Variants in ZNF614 observed in about 807,000 individuals in gnomAD.
ZNF614 encodes the protein zinc finger protein 614.
A neutral mutation model predicts 12.8 loss-of-function variants in ZNF614; 11 were observed. That is an observed-to-expected ratio of 0.86 (90% CI 0.54 to 1.43). The LOEUF (loss-of-function observed/expected upper bound fraction) is 1.43. Ranked by LOEUF, ZNF614 falls within the 40% of genes most tolerant of loss-of-function variation. The probability of loss-of-function intolerance (pLI) is 0.00; values close to 1 mark genes in which losing one functional copy is unlikely to be tolerated. For synonymous variants in ZNF614, 237 were observed against 237.5 expected (o/e 1.00, Z 0.02); for missense variants, 664 against 708.8 (o/e 0.94, Z 0.72).
intron 2 of ZNF614, among the ~76,000 whole-genome samples, chr19:52,025,367 T>C (rs1000101543): frequency 6.6e-6 from 1 of 152,080 alleles, no homozygotes; most frequent in African/African-American, 2.4e-5. Context: ...GTCACCCAGG[T>C]TGGAGTGCGG....
chr19:52,022,431 C>T (rs116953435), intron 2 of ZNF614, among the ~76,000 whole-genome samples: 3,088 of 152,204 alleles, frequency 0.02, 57 homozygotes, highest in Admixed American at 0.024. Flanking sequence ...GCCTGGCCCC[C>T]GCAACGTCTG....
rs559667745 is a variant in ZNF614 at position 52,026,677 on chromosome 19, G to A, written c.-216-716C>T. On this transcript the variant is annotated intron_variant, in intron 1 of 4. Coordinates refer to ENST00000270649, the MANE Select transcript of ZNF614 (RefSeq NM_025040.4). ...CAGTAAAAGAGGAAGGCCTCTTTGC[G>A]GTTGAGATAAGAGAAAGGCATCTGT... 5.3e-5 allele frequency among the ~76,000 whole-genome samples: 8 copies of A among 152,278 alleles called. No homozygotes were observed. The South Asian group carries it at 6.2e-4, about 12-fold the overall frequency.
Position 52,027,786 on chromosome 19 carries a change from A to C in ZNF614, c.-217+456T>G, listed in dbSNP as rs115446107. On this transcript the variant is annotated intron_variant, in intron 1 of 4. Transcript: ENST00000270649. ...AATTCAACAATAATAATTGAAGACT[A>C]CATTACCCTACTTGCAATAATAAAG... Among the ~76,000 whole-genome samples the C allele has an allele frequency of 7.9e-3, 1,206 of 152,332 alleles. 17 individuals carry two copies. Among genetic ancestry groups the C allele is most frequent in the African/African-American group, 0.028 (1,156 of 41,562 alleles).
At chr19:52,018,515 T>C in intron 2 of ZNF614, 21 bp from the exon 3 acceptor site, 1 of 1,611,066 alleles carries the variant, frequency 6.2e-7, no homozygotes, top group Non-Finnish European at 8.5e-7. Context: ...AAAGTCCTAT[T>C]CAATATGATA....
intron 2 of ZNF614, among the ~76,000 whole-genome samples, chr19:52,023,683 C>G (rs2086949827): frequency 6.6e-6 from 1 of 152,198 alleles, no homozygotes. Context: ...GTGCCATGAA[C>G]TGGGAACAAT....
In ZNF614 at chr19:52,016,333, G is replaced by A. The variant is rs752020813; in HGVS notation, c.1265C>T (p.Thr422Ile). The change falls in exon 5 of 5, where the codon ACA (threonine) becomes ATA (isoleucine). Residue 422 changes from threonine (T) to isoleucine (I), a missense_variant. By Grantham distance (89) the Thr-to-Ile change is moderately conservative. Transcript: ENST00000270649. ...ATTGCATATGTAAGATTTCTCTCCT[G>A]TATGAGTTCGCTGATGTATAACGAG... is the stretch of plus-strand genomic sequence containing the variant. ...RTLVIHQRTH[T>I]GEKSYICNEC... 1.2e-6 allele frequency: 2 copies of A among 1,610,472 alleles called. No homozygotes were observed. Among genetic ancestry groups the A allele is most frequent in the Admixed American group, 3.3e-5 (2 of 59,842 alleles).
chr19:52,016,276 G>A lies in ZNF614; in HGVS notation c.1322C>T (p.Thr441Ile). ...ECGKGFTTKR[T>I]LIIHQRTHTG... is the part of the protein sequence containing the mutation. ...ATGAGTTCGCTGATGTATAATAAGAGTGCGCTTTGTGGTGAAGCCTTTACC... is the reference window on the plus strand; with the variant it reads ...ATGAGTTCGCTGATGTATAATAAGAATGCGCTTTGTGGTGAAGCCTTTACC... The change falls in exon 5 of 5, where the codon ACT (threonine) becomes ATT (isoleucine). Residue 441 changes from threonine to isoleucine, a missense_variant. Physicochemically the swap from Thr to Ile is moderately conservative, Grantham distance 89. Coordinates refer to ENST00000270649, the MANE Select transcript of ZNF614 (RefSeq NM_025040.4). 2 of 1,610,448 alleles carry A rather than the reference G, an allele frequency of 1.2e-6. No individual in the cohort carries two copies. Among genetic ancestry groups the A allele is most frequent in the Non-Finnish European group, 8.5e-7 (1 of 1,178,988 alleles).
chr19:52,024,426 T>A (rs951645741), intron 2 of ZNF614, among the ~76,000 whole-genome samples: 1 of 152,038 alleles, frequency 6.6e-6, no homozygotes, highest in Non-Finnish European at 1.5e-5. Context: ...GAATACCTAA[T>A]AGGTATGGAG....
intron 2 of ZNF614, among the ~76,000 whole-genome samples, chr19:52,025,085 G>C (rs1312848103): frequency 6.6e-6 from 1 of 152,016 alleles, no homozygotes; most frequent in Non-Finnish European, 1.5e-5. Context: ...CTCCAGCCTG[G>C]GCAACAGAGC....
At position 52,025,774 on chromosome 19, in the gene ZNF614, A is replaced by C. The variant is rs2086967182; in HGVS notation, c.-29T>G. ...CTTCTGTGCTCAGAAAATAGTGGAT[A>C]ACATGGACTATACGTCTTTGTCTCT... On this transcript the variant is annotated 5_prime_UTR_variant, in exon 2 of 5. The change creates a premature stop within an existing upstream ORF in the 5' untranslated region. Transcript: ENST00000270649. 6.2e-7 allele frequency: 1 copy of C among 1,612,720 alleles called. No homozygotes were observed. Among genetic ancestry groups the C allele is most frequent in the Non-Finnish European group, 8.5e-7 (1 of 1,179,212 alleles).
At chr19:52,019,720 A>G (rs1023329570) in intron 2 of ZNF614, among the ~76,000 whole-genome samples, 4 of 152,238 alleles carry the variant, frequency 2.6e-5, no homozygotes, top group Non-Finnish European at 5.9e-5. Context: ...GGATTAAAAC[A>G]CATGGCTAGC....
At chr19:52,023,884 A>G (rs1241270152) in intron 2 of ZNF614, among the ~76,000 whole-genome samples, 1 of 152,154 alleles carries the variant, frequency 6.6e-6, no homozygotes, top group African/African-American at 2.4e-5. Context: ...ACCTTGTGAC[A>G]GACAGTTGGA....
chr19:52,016,139 C>G lies in ZNF614; in HGVS notation c.1459G>C (p.Glu487Gln). ...TTGTGTGAATAGGATTTTCCGCACT[C>G]GGTACATACAAAGGGAGTCTTTCCT... ...HTGKTPFVCT[E>Q]CGKSYSHKYG... Residue 487 changes from glutamate (E) to glutamine (Q), a missense_variant, in exon 5 of 5, where the codon GAG becomes CAG. Glu to Gln is a conservative substitution (Grantham distance 29). Transcript: ENST00000270649. 1 of 1,614,088 alleles carries G rather than the reference C, an allele frequency of 6.2e-7. No individual in the cohort carries two copies. Among genetic ancestry groups the G allele is most frequent in the Non-Finnish European group, 8.5e-7 (1 of 1,180,020 alleles).
chr19:52,027,196 A>T (rs2086981008), intron 1 of ZNF614, among the ~76,000 whole-genome samples: 1 of 152,256 alleles, frequency 6.6e-6, no homozygotes, highest in African/African-American at 2.4e-5. Flanking sequence ...GATCAATTTT[A>T]GGAAAGAGAA....
At chr19:52,026,801 G>C (rs536238128) in intron 1 of ZNF614, among the ~76,000 whole-genome samples, 1 of 152,346 alleles carries the variant, frequency 6.6e-6, no homozygotes, top group African/African-American at 2.4e-5. Context: ...CTGGAGGTGA[G>C]ACATGCTGGT....
chr19:52,025,372 G>C (rs1368997509), intron 2 of ZNF614, among the ~76,000 whole-genome samples: 1 of 152,068 alleles, frequency 6.6e-6, no homozygotes, highest in African/African-American at 2.4e-5. Context: ...CCAGGTTGGA[G>C]TGCGGTGGTG....
chr19:52,028,015 C>T (rs949169530), intron 1 of ZNF614, among the ~76,000 whole-genome samples: 1 of 152,288 alleles, frequency 6.6e-6, no homozygotes, highest in Non-Finnish European at 1.5e-5. Flanking sequence ...CCTGACCGTC[C>T]CCCAGCCCAA....
rs779585540 is a variant in ZNF614, at chr19:52,017,204, AGTCAAATGTATCAT to A, written c.380_393del (p.His127LeufsTer23). ...CTTGATTTCAAATTTTTTCTGTACA[AGTCAAATGTATCAT>A]GATTTTGCACTATAGGAAAATGTGT... is the stretch of plus-strand genomic sequence containing the variant. On this transcript the variant is annotated frameshift_variant, in exon 5 of 5. Coordinates refer to ENST00000270649, the MANE Select transcript of ZNF614 (RefSeq NM_025040.4). LOFTEE classifies it low-confidence loss of function (END_TRUNC). 3 of 1,614,168 alleles carry A rather than the reference AGTCAAATGTATCAT, an allele frequency of 1.9e-6. No individual in the cohort carries two copies. The Admixed American group carries it at 5.0e-5, about 27-fold the overall frequency.
Position 52,025,960 on chromosome 19 carries a change from G to T in ZNF614, c.-215C>A. 1.8e-6 allele frequency: 1 copy of T among 550,848 alleles called. No individual in the cohort carries two copies. The highest frequency in any genetic ancestry group is 3.2e-6 in the Non-Finnish European group (1 of 309,156). 34.1% of individuals were successfully genotyped at this position (550,848 alleles called of 1,614,324 possible). On this transcript the variant is annotated splice_region_variant and 5_prime_UTR_variant, in exon 2 of 5. Coordinates refer to ENST00000270649, the MANE Select transcript of ZNF614 (RefSeq NM_025040.4). The stretch of plus-strand genomic sequence containing the variant: ...TTGCTTCTGGGAGCCAGGACCTGAG[G>T]ACTGATAAACAAAATGGCTTTCAGT...
Sources: gnomAD v4.1 joint callset for allele counts (sites outside exome capture counted in the v4.1 genomes callset) on GRCh38, gnomAD v4.1.1 for gene constraint, MANE v1.5 for transcripts, NCBI Gene and HGNC (gene_info 2026-07-23, HGNC 2026-07-21) for gene names.